The following ABCG2 variants were observed in gnomAD, a reference collection of about 807,000 sequenced individuals.
The protein encoded by ABCG2 is ATP binding cassette subfamily G member 2 (JR blood group).
In ABCG2, 80 loss-of-function variants were observed where a neutral mutation model predicts 73.5. That is an observed-to-expected ratio of 1.09 (90% CI 0.91 to 1.31). The LOEUF (loss-of-function observed/expected upper bound fraction) is 1.31. ABCG2 is among the 50% of genes most tolerant of loss of function. ABCG2 has a pLI of 0.00. For missense variants in ABCG2, 796 were observed against 786.2 expected, an observed-to-expected ratio of 1.01 and a Z score of -0.15; for synonymous variants, 269 against 282.4, an observed-to-expected ratio of 0.95 and a Z score of 0.48.
chr4:88,156,370 C>CAAA (rs56029010), intron 1 of ABCG2, among the ~76,000 whole-genome samples: 34,156 of 68,426 alleles, frequency 0.5, 7,120 homozygotes, highest in East Asian at 0.62. Context: ...GACTCCGTCT[C>CAAA]AAAAAAAAAA....
At chr4:88,199,099 G>A (rs192721521) in intron 1 of ABCG2, among the ~76,000 whole-genome samples, 62 of 152,124 alleles carry the variant, frequency 4.1e-4, no homozygotes, top group African/African-American at 1.4e-3. Flanking sequence ...CACCCTAGTA[G>A]CTGGGATTAC....
intron 1 of ABCG2, among the ~76,000 whole-genome samples, chr4:88,189,126 T>C (rs1008563560): frequency 6.6e-6 from 1 of 152,232 alleles, no homozygotes; most frequent in Admixed American, 6.5e-5. Context: ...AAGTTTGCAG[T>C]ACACAAATCT....
intron 8 of ABCG2, 144 bp downstream of exon 8, chr4:88,114,813 A>G: frequency 1.8e-6 from 1 of 550,478 alleles, no homozygotes; most frequent in Non-Finnish European, 3.2e-6. Context: ...CAGCACTCAC[A>G]GACAACAAAA....
intron 1 of ABCG2, among the ~76,000 whole-genome samples, chr4:88,215,164 T>C (rs1307658398): frequency 6.6e-6 from 1 of 151,746 alleles, no homozygotes; most frequent in Non-Finnish European, 1.5e-5. Flanking sequence ...GAGCTGAGAG[T>C]GTAAATTATA....
At chr4:88,202,868 T>A (rs1207539308) in intron 1 of ABCG2, among the ~76,000 whole-genome samples, 2 of 152,076 alleles carry the variant, frequency 1.3e-5, no homozygotes, top group African/African-American at 4.8e-5. Flanking sequence ...CTAAAAATAG[T>A]AAATAAATAA....
chr4:88,105,412 T>G (rs1722706708), intron 10 of ABCG2, among the ~76,000 whole-genome samples: 1 of 152,160 alleles, frequency 6.6e-6, no homozygotes, highest in Non-Finnish European at 1.5e-5. Context: ...CTGCCACAAG[T>G]GTTCTCCATA....
intron 11 of ABCG2, among the ~76,000 whole-genome samples, chr4:88,100,506 CAAAAA>C (rs565550337): frequency 9.7e-6 from 1 of 103,208 alleles, no homozygotes; most frequent in Non-Finnish European, 2.0e-5. Context: ...GACTCTATGT[CAAAAA>C]AAAAAAAAAA....
chr4:88,142,969 T>C (rs1304083717), intron 1 of ABCG2, among the ~76,000 whole-genome samples: 1 of 152,024 alleles, frequency 6.6e-6, no homozygotes, highest in East Asian at 1.9e-4. Context: ...TATTTAAAAA[T>C]AAATATAAAT....
At chr4:88,125,899 A>T (rs574384400) in intron 5 of ABCG2, among the ~76,000 whole-genome samples, 5 of 152,232 alleles carry the variant, frequency 3.3e-5, no homozygotes, top group Admixed American at 6.5e-5. Context: ...AACAAGTTCA[A>T]AAAGCTAGCA....
chr4:88,120,304 A>G (rs1339418808), intron 6 of ABCG2, among the ~76,000 whole-genome samples: 2 of 152,192 alleles, frequency 1.3e-5, no homozygotes, highest in African/African-American at 4.8e-5. Context: ...GCCCCTACAC[A>G]GGGCCCCCAC....
intron 1 of ABCG2, among the ~76,000 whole-genome samples, chr4:88,193,504 A>G (rs912957394): frequency 2.0e-5 from 3 of 152,066 alleles, no homozygotes; most frequent in African/African-American, 7.2e-5. Context: ...CAATAACTAT[A>G]TTATTATTTT....
chr4:88,134,918 C>T (rs536461337), intron 2 of ABCG2, among the ~76,000 whole-genome samples: 19 of 152,188 alleles, frequency 1.2e-4, no homozygotes, highest in Non-Finnish European at 2.4e-4. Context: ...AACAAACAAA[C>T]GAAAAACAAA....
At chr4:88,164,480 G>A (rs575690692) in intron 1 of ABCG2, among the ~76,000 whole-genome samples, 11 of 152,126 alleles carry the variant, frequency 7.2e-5, no homozygotes, top group Non-Finnish European at 1.0e-4. Context: ...GAGTTCTCAC[G>A]CGCTCTGATG....
intron 1 of ABCG2, among the ~76,000 whole-genome samples, chr4:88,146,180 G>C (rs1725982908): frequency 6.6e-6 from 1 of 152,082 alleles, no homozygotes; most frequent in Non-Finnish European, 1.5e-5. Flanking sequence ...TCTTCAGTTT[G>C]CAACAACGTA....
intron 1 of ABCG2, among the ~76,000 whole-genome samples, chr4:88,230,326 TATA>T: frequency 0.014 from 2 of 142 alleles, 1 homozygote; most frequent in African/African-American, 0.02. Context: ...TTTGGCCACA[TATA>T]TATATATATA....
chr4:88,157,894 G>A (rs1229731099), intron 1 of ABCG2, among the ~76,000 whole-genome samples: 1 of 152,160 alleles, frequency 6.6e-6, no homozygotes, highest in African/African-American at 2.4e-5. Context: ...ACTATCCACA[G>A]AAAATTACAA....
intron 9 of ABCG2, among the ~76,000 whole-genome samples, chr4:88,112,687 G>A (rs967322090): frequency 7.2e-5 from 11 of 151,942 alleles, no homozygotes; most frequent in African/African-American, 2.7e-4. Flanking sequence ...ACAGCTACCA[G>A]AAAACCCCAA....
intron 1 of ABCG2, among the ~76,000 whole-genome samples, chr4:88,187,089 GTC>G (rs1307708817): frequency 1.7e-5 from 1 of 58,638 alleles, no homozygotes; most frequent in Admixed American, 3.3e-4. Context: ...GCAAGATTCT[GTC>G]TCAAAAAAAA....
chr4:88,227,013 G>A (rs578017966), intron 1 of ABCG2, among the ~76,000 whole-genome samples: 3 of 152,186 alleles, frequency 2.0e-5, no homozygotes, highest in Admixed American at 6.5e-5. Flanking sequence ...TCGGGAGGTT[G>A]ATATGGAAGC....
Sources: allele counts gnomAD v4.1 joint callset (sites outside exome capture counted in the v4.1 genomes callset), GRCh38; gene constraint gnomAD v4.1.1; transcripts MANE v1.5; gene names NCBI Gene and HGNC (gene_info 2026-07-23, HGNC 2026-07-21).